The following DCC variants were observed in gnomAD, a reference collection of about 807,000 sequenced individuals.
DCC encodes the protein netrin receptor DCC.
A neutral mutation model predicts 172.5 loss-of-function variants in DCC; 58 were observed. The ratio of observed to expected loss-of-function variants is 0.34; its 90% CI spans 0.27 to 0.42. DCC has a LOEUF of 0.42. Among genes scored for constraint, DCC ranks in the 10% least tolerant of loss-of-function variants. The pLI is 1.00. For missense variants in DCC, 1,740 were observed against 1,791.0 expected, an observed-to-expected ratio of 0.97 and a Z score of 0.51; for synonymous variants, 709 against 644.5, an observed-to-expected ratio of 1.10 and a Z score of -1.52.
At chr18:53,003,800 C>A (rs1472826383) in intron 5 of DCC, among the ~76,000 whole-genome samples, 4 of 152,062 alleles carry the variant, frequency 2.6e-5, no homozygotes, top group Admixed American at 2.0e-4. Context: ...CACAGAGACG[C>A]ACCTCTTTAA....
chr18:52,969,581 C>CA (rs1294592851), intron 5 of DCC, among the ~76,000 whole-genome samples: 11 of 97,716 alleles, frequency 1.1e-4, no homozygotes, highest in Non-Finnish European at 2.5e-4. Context: ...TGCCCCGCCC[C>CA]CCACTCTCTC....
intron 12 of DCC, among the ~76,000 whole-genome samples, chr18:53,252,696 A>G (rs2056453596): frequency 6.6e-6 from 1 of 151,966 alleles, no homozygotes. Context: ...GAGAAGTGGA[A>G]GGCACTGAGT....
At chr18:53,203,226 T>TGTGC (rs2055571268) in intron 9 of DCC, among the ~76,000 whole-genome samples, 1 of 151,318 alleles carries the variant, frequency 6.6e-6, no homozygotes, top group Non-Finnish European at 1.5e-5. Context: ...TGTGTGTGTG[T>TGTGC]GTGTGTGTGC....
chr18:53,467,984 C>A lies in DCC; in HGVS notation c.3710C>A (p.Pro1237His). ...GCCCCCCGGGCCAAGCTCATGATTC[C>A]CATGGATGCCCAGTCCAACAATCCT... ...RRAPRAKLMI[P>H]MDAQSNNPAV... is the part of the protein sequence containing the mutation. The change falls in exon 25 of 29, where the codon CCC becomes CAC. Residue 1237 changes from proline (P) to histidine (H), a missense_variant. Coordinates refer to ENST00000442544, the MANE Select transcript of DCC (RefSeq NM_005215.4). The A allele has an allele frequency of 1.3e-6, 2 of 1,599,868 alleles. No individual in the cohort carries two copies. The highest frequency in any genetic ancestry group is 1.7e-6 in the Non-Finnish European group (2 of 1,167,228).
chr18:52,459,656 A>G (rs1021555058), intron 1 of DCC, among the ~76,000 whole-genome samples: 9 of 151,826 alleles, frequency 5.9e-5, no homozygotes, highest in Non-Finnish European at 1.3e-4. Flanking sequence ...TTTTTAGTAG[A>G]GACGGGGTTT....
At chr18:53,219,874 C>T (rs1199629862) in intron 12 of DCC, among the ~76,000 whole-genome samples, 1 of 152,082 alleles carries the variant, frequency 6.6e-6, no homozygotes, top group East Asian at 1.9e-4. Context: ...TCATTTTTAA[C>T]AGATATTTTA....
At chr18:52,931,650 C>A (rs949162890) in intron 5 of DCC, 1 of 152,010 alleles carries the variant, frequency 6.6e-6, no homozygotes, top group Non-Finnish European at 1.5e-5. Context: ...ATGGAAAATT[C>A]CATAATCATT....
intron 15 of DCC, among the ~76,000 whole-genome samples, chr18:53,364,738 C>T (rs1177048677): frequency 6.6e-6 from 1 of 152,010 alleles, no homozygotes; most frequent in Non-Finnish European, 1.5e-5. Flanking sequence ...TTATTTATCC[C>T]CTGGCTTTCC....
At chr18:52,993,757 A>T (rs574683633) in intron 5 of DCC, among the ~76,000 whole-genome samples, 1 of 151,946 alleles carries the variant, frequency 6.6e-6, no homozygotes, top group African/African-American at 2.4e-5. Flanking sequence ...TATAGCTTCT[A>T]CTTTGCGGGA....
At chr18:52,646,084 G>A (rs1341974390) in intron 1 of DCC, among the ~76,000 whole-genome samples, 1 of 152,160 alleles carries the variant, frequency 6.6e-6, no homozygotes, top group Non-Finnish European at 1.5e-5. Flanking sequence ...ACAGCTGTTG[G>A]GTTGATCTGC....
At chr18:53,029,504 A>T (rs1382562290) in intron 5 of DCC, among the ~76,000 whole-genome samples, 1 of 152,160 alleles carries the variant, frequency 6.6e-6, no homozygotes, top group Non-Finnish European at 1.5e-5. Context: ...TCCCACAGCA[A>T]ACTGGAAATG....
Position 52,785,863 on chromosome 18 carries a change from T to A in DCC, c.412+33489T>A, listed in dbSNP as rs140506958. On this transcript the variant is annotated intron_variant, in intron 2 of 28. Coordinates refer to ENST00000442544, the MANE Select transcript of DCC (RefSeq NM_005215.4). ...TAAACTTTCTAACTTCTCCTAAGCA[T>A]CCTTCTTTTTAAACAACCAACTATT... 3.8e-3 allele frequency among the ~76,000 whole-genome samples: 574 copies of A among 152,152 alleles called. 6 individuals are homozygous for A. The highest frequency in any genetic ancestry group is 0.013 in the African/African-American group (558 of 41,486).
At chr18:52,590,593 C>A (rs577835007) in intron 1 of DCC, among the ~76,000 whole-genome samples, 3 of 152,056 alleles carry the variant, frequency 2.0e-5, no homozygotes, top group African/African-American at 4.8e-5. Flanking sequence ...GCTGAGAGTG[C>A]GAAGATGAGG....
At chr18:53,328,223 A>C (rs2057490588) in intron 14 of DCC, among the ~76,000 whole-genome samples, 1 of 152,176 alleles carries the variant, frequency 6.6e-6, no homozygotes, top group South Asian at 2.1e-4. Flanking sequence ...GTGCCCATGG[A>C]ATGTCTGATC....
chr18:53,271,181 T>C (rs898959576), intron 12 of DCC, among the ~76,000 whole-genome samples: 2 of 152,172 alleles, frequency 1.3e-5, no homozygotes, highest in Admixed American at 6.5e-5. Flanking sequence ...CTTTCTTTTC[T>C]ACAATCTAGA....
At chr18:52,976,509 T>C (rs1171763043) in intron 5 of DCC, among the ~76,000 whole-genome samples, 1 of 152,220 alleles carries the variant, frequency 6.6e-6, no homozygotes, top group Non-Finnish European at 1.5e-5. Context: ...TGAAAGGCTC[T>C]ATCCACAAAT....
chr18:52,925,335 A>G lies in DCC; in HGVS notation c.950A>G (p.Glu317Gly). 1.2e-6 allele frequency: 2 copies of G among 1,612,668 alleles called. No homozygotes were observed. Among genetic ancestry groups the G allele is most frequent in the Non-Finnish European group, 1.7e-6 (2 of 1,178,938 alleles). The change falls in exon 5 of 29, where the codon GAG becomes GGG. Residue 317 changes from glutamate (E) to glycine (G), a missense_variant. Physicochemically the swap from Glu to Gly is moderately conservative, Grantham distance 98. Coordinates refer to ENST00000442544, the MANE Select transcript of DCC (RefSeq NM_005215.4). The part of the protein sequence containing the change: ...MYTCVVTYKN[E>G]NISASAELTV... ...ACCTGTGTTGTCACATATAAAAATG[A>G]GAATATTAGTGCCTCTGCAGAGCTC...
chr18:52,678,321 GA>G (rs1226073345), intron 1 of DCC, among the ~76,000 whole-genome samples: 1 of 152,134 alleles, frequency 6.6e-6, no homozygotes, highest in Non-Finnish European at 1.5e-5. Context: ...CTTCAGCTTA[GA>G]AATCAGCCTC....
At chr18:53,379,778 A>C (rs748058404) in intron 15 of DCC, among the ~76,000 whole-genome samples, 4 of 152,224 alleles carry the variant, frequency 2.6e-5, no homozygotes, top group African/African-American at 4.8e-5. Flanking sequence ...TCCCAAACTG[A>C]GGTGTTCTAC....
Sources: gnomAD v4.1 joint callset for allele counts (sites outside exome capture counted in the v4.1 genomes callset) on GRCh38, gnomAD v4.1.1 for gene constraint, MANE v1.5 for transcripts, NCBI Gene and HGNC (gene_info 2026-07-23, HGNC 2026-07-21) for gene names.